SCFD1: variants seen among roughly 807,000 people sequenced by gnomAD.
SCFD1 encodes the protein sec1 family domain containing 1, also known as sec1 family domain-containing protein 1.
SCFD1 carries 37 observed loss-of-function variants against 103.2 expected under a neutral mutation model. The ratio of observed to expected loss-of-function variants is 0.36; its 90% CI spans 0.28 to 0.47. SCFD1 has a LOEUF of 0.47. SCFD1 is among the 20% of genes least tolerant of loss of function. The pLI, the probability that SCFD1 is intolerant of heterozygous loss-of-function variation, is 1.00. For synonymous variants in SCFD1, 264 were observed against 245.0 expected (o/e 1.08, Z -0.73); for missense variants, 639 against 761.2 (o/e 0.84, Z 1.89).
intron 23 of SCFD1, among the ~76,000 whole-genome samples, chr14:30,730,321 C>G (rs1021436926): frequency 3.5e-5 from 5 of 141,458 alleles, no homozygotes; most frequent in South Asian, 4.3e-4. Flanking sequence ...ATAAACATAC[C>G]TGTGCATGTG....
At position 30,653,588 on chromosome 14, in the gene SCFD1, G is replaced by T; in HGVS notation, c.855G>T (p.Leu285=). 1 of 1,589,086 alleles carries T rather than the reference G, an allele frequency of 6.3e-7. No homozygotes were observed. The highest frequency in any genetic ancestry group is 8.6e-7 in the Non-Finnish European group (1 of 1,159,232). Residue 285 remains leucine (L), a splice_region_variant and synonymous_variant, in exon 10 of 25, where the codon CTG becomes CTT. Transcript: ENST00000458591. ...WTYQALVHDV[L]DFHLNRVNLE... ...ATCAAGCATTGGTGCACGATGTACT[G>T]GTAAGAGACTAAATGCAGCACTTAT...
chr14:30,670,644 TAGTC>T (rs1225578718), intron 11 of SCFD1, among the ~76,000 whole-genome samples: 1 of 152,050 alleles, frequency 6.6e-6, no homozygotes, highest in African/African-American at 2.4e-5. Context: ...CCTATACAGA[TAGTC>T]TTTTTCAATT....
chr14:30,627,843 G>T (rs192447105), intron 1 of SCFD1, among the ~76,000 whole-genome samples: 130 of 112,010 alleles, frequency 1.2e-3, no homozygotes, highest in African/African-American at 4.4e-3. Flanking sequence ...CTTCTCACTA[G>T]ACCACTCAGA....
intron 10 of SCFD1, among the ~76,000 whole-genome samples, chr14:30,667,264 T>C (rs1235741537): frequency 6.6e-6 from 1 of 152,184 alleles, no homozygotes; most frequent in Non-Finnish European, 1.5e-5. Flanking sequence ...TGCAAATCAA[T>C]AAACATAATC....
At chr14:30,705,778 T>G in intron 17 of SCFD1, 45 bp from the exon 18 acceptor site, 1 of 1,419,210 alleles carries the variant, frequency 7.0e-7, no homozygotes, top group Non-Finnish European at 1.0e-6. Context: ...CACCCAGAGT[T>G]AGTTCTAATA....
In SCFD1 at chr14:30,735,697, C is replaced by G; in HGVS notation, c.*88C>G. The G allele has an allele frequency of 1.1e-6, 1 of 923,822 alleles. No individual in the cohort carries two copies. The highest frequency in any genetic ancestry group is 2.3e-4 in the Middle Eastern group (1 of 4,394). The allele number at this position is 923,822 out of a possible 1,614,324, so 57.2% of individuals were successfully genotyped here. On this transcript the variant is annotated 3_prime_UTR_variant, in exon 25 of 25. Transcript: ENST00000458591. ...TTAGAAGAGCAATATGTTTCCTTCT[C>G]TGTAACAGTGTCCTAACAGTGAAAA...
At chr14:30,699,650 G>A (rs1890939774) in intron 15 of SCFD1, among the ~76,000 whole-genome samples, 1 of 152,058 alleles carries the variant, frequency 6.6e-6, no homozygotes, top group African/African-American at 2.4e-5. Context: ...TAATATAAAA[G>A]CCTTCAGAAA....
At chr14:30,635,750 A>C (rs1884657680) in intron 4 of SCFD1, among the ~76,000 whole-genome samples, 1 of 152,130 alleles carries the variant, frequency 6.6e-6, no homozygotes, top group South Asian at 2.1e-4. Flanking sequence ...ACATGTTTTC[A>C]ATTCTCTTGT....
intron 24 of SCFD1, among the ~76,000 whole-genome samples, chr14:30,735,359 TC>T (rs1566674731): frequency 1.3e-5 from 2 of 152,116 alleles, no homozygotes; most frequent in South Asian, 4.1e-4. Context: ...CCTCAAGTGA[TC>T]CTCCCACCTC....
At chr14:30,677,989 A>G (rs1447951660) in intron 14 of SCFD1, among the ~76,000 whole-genome samples, 1 of 151,638 alleles carries the variant, frequency 6.6e-6, no homozygotes, top group East Asian at 1.9e-4. Flanking sequence ...ACAGGCACGG[A>G]CCACCATGCC....
At chr14:30,623,173 T>C (rs927974945) in intron 1 of SCFD1, among the ~76,000 whole-genome samples, 1 of 152,214 alleles carries the variant, frequency 6.6e-6, no homozygotes, top group Non-Finnish European at 1.5e-5. Context: ...AGGTTTATAC[T>C]TGTTAACTAG....
In SCFD1 at chr14:30,665,916, A is replaced by G. The variant is rs77803518; in HGVS notation, c.856-4340A>G. 3.9e-5 allele frequency among the ~76,000 whole-genome samples: 6 copies of G among 152,308 alleles called. No individual in the cohort carries two copies. In the East Asian group the frequency reaches 1.2e-3, roughly 29 times the overall value. ...AAAACAAATCCCAGATTCACAAAAC[A>G]AGTCCTTAGAGACCTACAAAGAGAC... On this transcript the variant is annotated intron_variant, in intron 10 of 24. Coordinates refer to ENST00000458591, the MANE Select transcript of SCFD1 (RefSeq NM_016106.4).
intron 20 of SCFD1, among the ~76,000 whole-genome samples, chr14:30,718,804 G>C (rs987411334): frequency 6.6e-6 from 1 of 152,170 alleles, no homozygotes; most frequent in Admixed American, 6.5e-5. Context: ...AGTGTTGAAG[G>C]ATCCTTACAC....
At chr14:30,676,365 CAG>C (rs1421863349) in intron 14 of SCFD1, 1 of 152,140 alleles carries the variant, frequency 6.6e-6, no homozygotes, top group East Asian at 1.9e-4. Context: ...TGACAGTAAA[CAG>C]AGTAAGCAAA....
intron 1 of SCFD1, among the ~76,000 whole-genome samples, chr14:30,626,381 A>C (rs1382168249): frequency 1.3e-5 from 2 of 151,922 alleles, no homozygotes; most frequent in Non-Finnish European, 2.9e-5. Flanking sequence ...ACACACCTGG[A>C]TATGTGTTTC....
At chr14:30,720,846 A>T (rs1293052558) in intron 21 of SCFD1, among the ~76,000 whole-genome samples, 1 of 152,148 alleles carries the variant, frequency 6.6e-6, no homozygotes, top group Non-Finnish European at 1.5e-5. Context: ...TCCTTCATGG[A>T]TATCAAGGGA....
chr14:30,724,072 TAAAAAAAA>T (rs59654790), intron 23 of SCFD1, among the ~76,000 whole-genome samples: 1 of 91,350 alleles, frequency 1.1e-5, no homozygotes, highest in Non-Finnish European at 1.9e-5. Context: ...ACCAGTATCT[TAAAAAAAA>T]AAAAAAAAAA....
rs571893953 is a variant in SCFD1, at chr14:30,711,732, AATT to A, written c.1629+3674_1629+3676del. On this transcript the variant is annotated intron_variant, in intron 19 of 24. Coordinates refer to ENST00000458591, the MANE Select transcript of SCFD1 (RefSeq NM_016106.4). ...CTTATAAATTATTTAATAATTATTA[AATT>A]ATTATTTTAGGAGTGGTAATAGTGT... is the stretch of plus-strand genomic sequence containing the variant. Among the ~76,000 whole-genome samples, 380 of 152,144 alleles carry A rather than the reference AATT, an allele frequency of 2.5e-3. 3 individuals are homozygous for A. Among genetic ancestry groups the A allele is most frequent in the Non-Finnish European group, 3.7e-3 (251 of 67,996 alleles).
chr14:30,713,411 A>G (rs895797471), intron 19 of SCFD1, among the ~76,000 whole-genome samples: 3 of 152,156 alleles, frequency 2.0e-5, no homozygotes, highest in Non-Finnish European at 4.4e-5. Context: ...AGACAAAAAC[A>G]TACGAAAGAG....
Sources: gnomAD v4.1 joint callset for allele counts (sites outside exome capture counted in the v4.1 genomes callset) on GRCh38, gnomAD v4.1.1 for gene constraint, MANE v1.5 for transcripts, NCBI Gene and HGNC (gene_info 2026-07-23, HGNC 2026-07-21) for gene names.